CFAP47: variants seen among roughly 807,000 people sequenced by gnomAD.
CFAP47 encodes cilia and flagella associated protein 47.
A neutral mutation model predicts 148.1 loss-of-function variants in CFAP47; 29 were observed. The observed-to-expected ratio is 0.20, with a 90% confidence interval of 0.15 to 0.27. CFAP47 has a LOEUF of 0.27. Ranked by LOEUF, CFAP47 falls within the 10% of genes least tolerant of loss-of-function variation. CFAP47 has a pLI of 1.00. For missense variants in CFAP47, 1,872 were observed against 1,697.5 expected (o/e 1.10, Z -1.81); for synonymous variants, 664 against 577.3 (o/e 1.15, Z -2.15).
chrX:36,329,188 A>G (rs1448220231), intron 57 of CFAP47, among the ~76,000 whole-genome samples: 2 of 111,698 alleles, frequency 1.8e-5, no homozygotes, highest in African/African-American at 6.5e-5. Context: ...ATCCTATGAT[A>G]AAGATTATCA....
At position 35,924,124 on chromosome X, in the gene CFAP47, CATAT is replaced by C. The variant is rs1405431931; in HGVS notation, c.250-1890_250-1887del. ...ATGTATATATGTACATGTATGCGTA[CATAT>C]ATGTATATGTGTACATGTATGCGTA... is the stretch of plus-strand genomic sequence containing the variant. On this transcript the variant is annotated intron_variant, in intron 1 of 63. Transcript: ENST00000378653. Among the ~76,000 whole-genome samples the C allele has an allele frequency of 3.4e-3, 332 of 98,291 alleles. 21 individuals are homozygous for C. The highest frequency in any genetic ancestry group is 0.013 in the African/African-American group (314 of 24,753). 85.4% of individuals were successfully genotyped at this position (98,291 alleles called of 115,157 possible).
intron 22 of CFAP47, among the ~76,000 whole-genome samples, chrX:36,025,185 A>G (rs901193456): frequency 9.0e-6 from 1 of 111,451 alleles, no homozygotes; most frequent in Non-Finnish European, 1.9e-5. Flanking sequence ...TCTTATTTAG[A>G]ATTTTTTGGA....
At chrX:36,073,859 G>A (rs772851510) in intron 29 of CFAP47, among the ~76,000 whole-genome samples, 2 of 111,975 alleles carry the variant, frequency 1.8e-5, no homozygotes, top group African/African-American at 6.5e-5. Flanking sequence ...ATTATATCAA[G>A]TGACTTACTT....
chrX:36,103,409 T>A (rs1938408345), intron 32 of CFAP47, among the ~76,000 whole-genome samples: 1 of 100,892 alleles, frequency 9.9e-6, no homozygotes, highest in African/African-American at 3.7e-5. Context: ...ACCAATTCCC[T>A]GACCATCTTT....
chrX:36,256,899 G>T (rs1940759741), intron 49 of CFAP47, among the ~76,000 whole-genome samples: 1 of 111,911 alleles, frequency 8.9e-6, no homozygotes. Context: ...ACCCACTACA[G>T]TAGATTCATG....
At chrX:36,336,226 C>G (rs1242835460) in intron 57 of CFAP47, among the ~76,000 whole-genome samples, 1 of 101,067 alleles carries the variant, frequency 9.9e-6, no homozygotes, top group African/African-American at 3.7e-5. Context: ...CTCTCTCTCT[C>G]TCTGTCACAG....
At chrX:36,083,309 A>G (rs1443334176) in intron 29 of CFAP47, among the ~76,000 whole-genome samples, 1 of 110,280 alleles carries the variant, frequency 9.1e-6, no homozygotes. Flanking sequence ...ATATATGTGT[A>G]TATGTACTTA....
intron 27 of CFAP47, among the ~76,000 whole-genome samples, chrX:36,069,950 G>T (rs371812822): frequency 8.9e-6 from 1 of 112,132 alleles, no homozygotes; most frequent in Non-Finnish European, 1.9e-5. Context: ...ATGTGGCTTT[G>T]CATTCCACTG....
chrX:36,278,976 C>T (rs890749753), intron 49 of CFAP47, among the ~76,000 whole-genome samples: 2 of 111,578 alleles, frequency 1.8e-5, no homozygotes, highest in Admixed American at 9.5e-5. Flanking sequence ...AAATATGAAA[C>T]ACGTGAAACA....
intron 15 of CFAP47, among the ~76,000 whole-genome samples, chrX:35,979,804 A>T (rs887014425): frequency 4.5e-5 from 5 of 111,697 alleles, no homozygotes. Flanking sequence ...AAAATATAAG[A>T]AGGTAGATTT....
intron 26 of CFAP47, among the ~76,000 whole-genome samples, chrX:36,053,197 G>C (rs751566136): frequency 5.4e-5 from 6 of 111,330 alleles, no homozygotes; most frequent in Non-Finnish European, 3.8e-5. Flanking sequence ...TACCTCTGAG[G>C]GATACTACCA....
At chrX:36,088,514 C>T (rs2146780190) in intron 30 of CFAP47, among the ~76,000 whole-genome samples, 1 of 108,520 alleles carries the variant, frequency 9.2e-6, no homozygotes, top group African/African-American at 3.3e-5. Context: ...CTCTTCTCTT[C>T]TCTCTCTCTC....
At chrX:36,189,121 G>A (rs1221638650) in intron 41 of CFAP47, among the ~76,000 whole-genome samples, 1 of 111,388 alleles carries the variant, frequency 9.0e-6, no homozygotes, top group African/African-American at 3.3e-5. Context: ...AATGGACATA[G>A]GAATGTTCTG....
intron 38 of CFAP47, among the ~76,000 whole-genome samples, chrX:36,159,894 T>C (rs1180502743): frequency 3.6e-5 from 4 of 112,126 alleles, no homozygotes; most frequent in Non-Finnish European, 7.5e-5. Flanking sequence ...GAGGTGACGA[T>C]GTTCCAGACA....
chrX:36,268,226 C>T (rs1411823566), intron 49 of CFAP47, among the ~76,000 whole-genome samples: 1 of 113,394 alleles, frequency 8.8e-6, no homozygotes, highest in African/African-American at 3.2e-5. Flanking sequence ...ATAGAAGAAG[C>T]AATGCATTTT....
chrX:35,973,312 C>T (rs1449871287), intron 13 of CFAP47, among the ~76,000 whole-genome samples: 2 of 110,696 alleles, frequency 1.8e-5, no homozygotes, highest in Non-Finnish European at 3.8e-5. Context: ...GCCTCAACCT[C>T]CCGAGTAGCT....
chrX:35,941,150 C>T (rs182701150), intron 2 of CFAP47, 133 bp from the exon 3 acceptor site: 41 of 367,461 alleles, frequency 1.1e-4, no homozygotes, highest in Non-Finnish European at 1.9e-4. Flanking sequence ...ACAAACATGC[C>T]ACCAGTAGAC....
intron 29 of CFAP47, among the ~76,000 whole-genome samples, chrX:36,076,553 T>A (rs1025880096): frequency 6.3e-4 from 70 of 110,825 alleles, no homozygotes; most frequent in African/African-American, 2.3e-3. Flanking sequence ...AAAGTGTCTG[T>A]TTATGTTATT....
At chrX:36,089,230 G>T (rs1041885100) in intron 30 of CFAP47, among the ~76,000 whole-genome samples, 4 of 109,891 alleles carry the variant, frequency 3.6e-5, no homozygotes, top group African/African-American at 6.6e-5. Context: ...TTAGCTGAGC[G>T]CTGTGGTGGG....
Sources: gnomAD v4.1 joint callset for allele counts (sites outside exome capture counted in the v4.1 genomes callset) on GRCh38, gnomAD v4.1.1 for gene constraint, MANE v1.5 for transcripts, NCBI Gene and HGNC (gene_info 2026-07-23, HGNC 2026-07-21) for gene names.